Variants in LIPI observed in about 807,000 individuals in gnomAD.
LIPI encodes lipase member I.
Under a neutral mutation model 50.6 loss-of-function variants are expected in LIPI, and 59 were observed. That is an observed-to-expected ratio of 1.16 (90% CI 0.94 to 1.45). The LOEUF (loss-of-function observed/expected upper bound fraction) is 1.45, where lower values mean the gene tolerates loss of function less well. Ranked by LOEUF, LIPI falls within the 40% of genes most tolerant of loss-of-function variation. The pLI, the probability that LIPI is intolerant of heterozygous loss-of-function variation, is 0.00. For missense variants in LIPI, 586 were observed against 536.3 expected, an observed-to-expected ratio of 1.09 and a Z score of -0.92; for synonymous variants, 203 against 178.2, an observed-to-expected ratio of 1.14 and a Z score of -1.11.
At chr21:14,138,499 A>G (rs144986229) in intron 9 of LIPI, among the ~76,000 whole-genome samples, 255 of 152,212 alleles carry the variant, frequency 1.7e-3, no homozygotes, top group African/African-American at 5.7e-3. Flanking sequence ...CACTCAGACT[A>G]AAGCTGCAAA....
intron 4 of LIPI, among the ~76,000 whole-genome samples, chr21:14,181,400 G>A (rs2019264413): frequency 6.6e-6 from 1 of 152,132 alleles, no homozygotes; most frequent in Non-Finnish European, 1.5e-5. Context: ...AATAAGCGGG[G>A]AGAATGGTAA....
intron 4 of LIPI, among the ~76,000 whole-genome samples, chr21:14,167,657 G>A (rs2018740001): frequency 6.6e-6 from 1 of 152,216 alleles, no homozygotes; most frequent in African/African-American, 2.4e-5. Context: ...TGAGGGTCCT[G>A]TCTGTTAGAA....
chr21:14,209,732 CAAAT>C, intron 1 of LIPI, among the ~76,000 whole-genome samples: 1 of 151,984 alleles, frequency 6.6e-6, no homozygotes, highest in Non-Finnish European at 1.5e-5. Context: ...GAAAGTCTGT[CAAAT>C]AAGTTTTTAA....
intron 9 of LIPI, among the ~76,000 whole-genome samples, chr21:14,113,814 C>G (rs1011769898): frequency 2.6e-5 from 4 of 152,176 alleles, no homozygotes; most frequent in Admixed American, 2.6e-4. Flanking sequence ...GGAAACTTAA[C>G]AATCATGGCA....
At chr21:14,127,829 C>T (rs2032285) in intron 9 of LIPI, among the ~76,000 whole-genome samples, 98,681 of 151,864 alleles carry the variant, frequency 0.65, 32,445 homozygotes, top group East Asian at 0.94. Flanking sequence ...TCCTCCTTGA[C>T]GTCTCTTCTA....
intron 4 of LIPI, among the ~76,000 whole-genome samples, chr21:14,168,769 T>C (rs2018785075): frequency 6.6e-6 from 1 of 152,120 alleles, no homozygotes; most frequent in Non-Finnish European, 1.5e-5. Flanking sequence ...TCATGCCAAA[T>C]TGTAAAGACC....
At chr21:14,161,413 A>G (rs939229814) in intron 7 of LIPI, among the ~76,000 whole-genome samples, 81 of 141,566 alleles carry the variant, frequency 5.7e-4, no homozygotes, top group Middle Eastern at 7.5e-3. Context: ...TATGTATATT[A>G]TATATACATG....
intron 9 of LIPI, among the ~76,000 whole-genome samples, chr21:14,134,902 T>C (rs921579847): frequency 4.0e-4 from 61 of 151,934 alleles, no homozygotes; most frequent in African/African-American, 1.1e-3. Flanking sequence ...GGTCAAATCC[T>C]CAAAAGCAAA....
Position 14,189,449 on chromosome 21 carries a change from G to C in LIPI, c.47-30C>G, listed in dbSNP as rs374951216. 3.1e-6 allele frequency: 5 copies of C among 1,595,518 alleles called. No individual in the cohort carries two copies. In the East Asian group the frequency reaches 6.7e-5, roughly 21 times the overall value. On this transcript the variant is annotated intron_variant, in intron 1 of 9. Transcript: ENST00000681601. ...AATAAGAAAATGTCAGTCAAGCTGA[G>C]TACTGGGATAGTATTTTATTCCTGT...
intron 9 of LIPI, among the ~76,000 whole-genome samples, chr21:14,114,120 GCAAGC>G (rs1192691556): frequency 6.6e-6 from 1 of 151,166 alleles, no homozygotes; most frequent in Non-Finnish European, 1.5e-5. Context: ...AGAGGTTGCA[GCAAGC>G]CAAGATCATG....
intron 9 of LIPI, among the ~76,000 whole-genome samples, chr21:14,128,553 A>G (rs959383330): frequency 6.6e-6 from 1 of 152,070 alleles, no homozygotes; most frequent in African/African-American, 2.4e-5. Flanking sequence ...ACACCAATTA[A>G]ATGTTTCCAC....
At chr21:14,112,601 T>A (rs2016459064) in intron 9 of LIPI, among the ~76,000 whole-genome samples, 1 of 125,466 alleles carries the variant, frequency 8.0e-6, no homozygotes, top group South Asian at 2.7e-4. Context: ...ATAGCTATTG[T>A]AAATACAATT....
At chr21:14,165,110 G>T in intron 6 of LIPI, 113 bp downstream of exon 6, 1 of 763,484 alleles carries the variant, frequency 1.3e-6, no homozygotes, top group Non-Finnish European at 2.2e-6. Context: ...CCATAAAATG[G>T]TCATGTATTA....
chr21:14,137,404 G>T (rs1006248246), intron 9 of LIPI, among the ~76,000 whole-genome samples: 2 of 152,038 alleles, frequency 1.3e-5, no homozygotes, highest in African/African-American at 4.8e-5. Flanking sequence ...TAATTAAAAA[G>T]AATCAAGCAG....
At chr21:14,166,503 T>A (rs763526859) in intron 4 of LIPI, 52 bp from the exon 5 acceptor site, 2 of 950,872 alleles carry the variant, frequency 2.1e-6, no homozygotes, top group Non-Finnish European at 3.5e-6. Context: ...CAGGTGAGTA[T>A]CTTGCATAAA....
At position 14,185,503 on chromosome 21, in the gene LIPI, A is replaced by G. The variant is rs141098702; in HGVS notation, c.541+458T>C. The stretch of plus-strand genomic sequence containing the variant: ...CAAAACTTTAGAGTCTAACTAAAAC[A>G]AAGCCAATATTTAAATATAACATAG... On this transcript the variant is annotated intron_variant, in intron 3 of 9. Transcript: ENST00000681601. 1.6e-3 allele frequency among the ~76,000 whole-genome samples: 250 copies of G among 152,358 alleles called. 2 individuals are homozygous for G. Among genetic ancestry groups the G allele is most frequent in the African/African-American group, 5.7e-3 (235 of 41,586 alleles).
At chr21:14,135,216 C>A (rs949381430) in intron 9 of LIPI, among the ~76,000 whole-genome samples, 18 of 152,016 alleles carry the variant, frequency 1.2e-4, no homozygotes, top group Non-Finnish European at 4.4e-5. Context: ...CAGAGAAATG[C>A]AAATTAAAAG....
At chr21:14,130,339 A>AAG (rs752097414) in intron 9 of LIPI, among the ~76,000 whole-genome samples, 7 of 151,000 alleles carry the variant, frequency 4.6e-5, no homozygotes, top group African/African-American at 9.7e-5. Context: ...GACTCTGTCT[A>AAG]AGAGAGAGAG....
chr21:14,133,739 AC>A (rs1346953290), intron 9 of LIPI, among the ~76,000 whole-genome samples: 8 of 152,174 alleles, frequency 5.3e-5, no homozygotes, highest in Non-Finnish European at 8.8e-5. Flanking sequence ...TAAAGACTCC[AC>A]CAAAAAAACT....
Sources: gnomAD v4.1 joint callset for allele counts (sites outside exome capture counted in the v4.1 genomes callset) on GRCh38, gnomAD v4.1.1 for gene constraint, MANE v1.5 for transcripts, NCBI Gene and HGNC (gene_info 2026-07-23, HGNC 2026-07-21) for gene names.